CSMD2: variants seen among roughly 807,000 people sequenced by gnomAD.
CSMD2 encodes the protein CUB and Sushi multiple domains 2, also known as CUB and sushi domain-containing protein 2.
A neutral mutation model predicts 398.5 loss-of-function variants in CSMD2; 130 were observed. The observed-to-expected ratio is 0.33, with a 90% CI of 0.28 to 0.38. CSMD2 has a LOEUF of 0.38. Among genes scored for constraint, CSMD2 ranks in the 10% least tolerant of loss-of-function variants. The probability of loss-of-function intolerance (pLI) is 1.00; values close to 1 mark genes in which losing one functional copy is unlikely to be tolerated. For missense variants in CSMD2, 3,829 were observed against 4,764.9 expected (o/e 0.80, Z 5.78); for synonymous variants, 1,828 against 1,908.5 (o/e 0.96, Z 1.10).
At chr1:34,052,333 C>T (rs4653382) in intron 2 of CSMD2, among the ~76,000 whole-genome samples, 46,288 of 151,528 alleles carry the variant, frequency 0.31, 7,399 homozygotes, top group African/African-American at 0.37. Flanking sequence ...AGTGTTTGCA[C>T]TGTGTTAGGT....
At chr1:33,768,099 T>C (rs1203076407) in intron 13 of CSMD2, among the ~76,000 whole-genome samples, 1 of 152,214 alleles carries the variant, frequency 6.6e-6, no homozygotes, top group Non-Finnish European at 1.5e-5. Flanking sequence ...ATATTCCCAA[T>C]AATGTAGAAC....
At chr1:33,664,244 GT>G in intron 25 of CSMD2, among the ~76,000 whole-genome samples, 1 of 152,176 alleles carries the variant, frequency 6.6e-6, no homozygotes, top group South Asian at 2.1e-4. Flanking sequence ...TGCTTCCAGA[GT>G]TTTTTTCAAT....
chr1:34,002,471 T>C (rs1459053728), intron 3 of CSMD2, among the ~76,000 whole-genome samples: 1 of 152,162 alleles, frequency 6.6e-6, no homozygotes. Context: ...ACCTGTAAAA[T>C]GGGCACATAA....
intron 13 of CSMD2, among the ~76,000 whole-genome samples, chr1:33,769,062 G>A (rs1051491473): frequency 1.3e-5 from 2 of 152,192 alleles, no homozygotes; most frequent in African/African-American, 4.8e-5. Context: ...GAAGTGTGAA[G>A]CATTCTGCCA....
intron 3 of CSMD2, among the ~76,000 whole-genome samples, chr1:34,003,495 GTAA>G (rs1646964298): frequency 6.6e-6 from 1 of 152,160 alleles, no homozygotes. Context: ...TCCCTAATGG[GTAA>G]TAATAATAGC....
intron 15 of CSMD2, among the ~76,000 whole-genome samples, chr1:33,738,420 AATGCTTGGTACACC>A (rs1387487217): frequency 6.6e-6 from 1 of 152,150 alleles, no homozygotes; most frequent in East Asian, 1.9e-4. Flanking sequence ...CTGGTGCACA[AATGCTTGGTACACC>A]ATGCTTGGTA....
chr1:33,675,309 C>T (rs1015713893), intron 25 of CSMD2, among the ~76,000 whole-genome samples: 4 of 152,078 alleles, frequency 2.6e-5, no homozygotes, highest in Non-Finnish European at 5.9e-5. Context: ...TACAAACTAC[C>T]ATCAGAGAAT....
intron 4 of CSMD2, among the ~76,000 whole-genome samples, chr1:33,921,829 T>C (rs1643949267): frequency 6.6e-6 from 1 of 152,026 alleles, no homozygotes; most frequent in African/African-American, 2.4e-5. Context: ...GAAAGATGAT[T>C]TGGTCCCATA....
chr1:33,767,800 G>T (rs181426146), intron 13 of CSMD2, among the ~76,000 whole-genome samples: 1 of 152,078 alleles, frequency 6.6e-6, no homozygotes, highest in South Asian at 2.1e-4. Context: ...CAGGTAACTC[G>T]GCCAGCAGTT....
intron 1 of CSMD2, among the ~76,000 whole-genome samples, chr1:34,136,774 C>T (rs1638793428): frequency 6.6e-6 from 1 of 152,146 alleles, no homozygotes; most frequent in South Asian, 2.1e-4. Context: ...TTCCATCTAC[C>T]AACCATGGGT....
chr1:33,610,992 A>C, intron 41 of CSMD2, 49 bp downstream of exon 41: 1 of 1,562,280 alleles, frequency 6.4e-7, no homozygotes, highest in Non-Finnish European at 8.8e-7. Flanking sequence ...TGGCTGGGGC[A>C]AGAGATGGAG....
chr1:33,864,835 C>A, intron 5 of CSMD2: 2 of 1,195,190 alleles, frequency 1.7e-6, no homozygotes, highest in Non-Finnish European at 2.3e-6. Context: ...GTAGCTGTGA[C>A]TGATGCTTTG....
At chr1:33,758,269 C>T (rs1319921380) in intron 13 of CSMD2, among the ~76,000 whole-genome samples, 4 of 152,188 alleles carry the variant, frequency 2.6e-5, no homozygotes, top group African/African-American at 9.7e-5. Context: ...CCCCACTTAC[C>T]CTTCCTAGCT....
chr1:33,731,094 A>T (rs1646702644), intron 15 of CSMD2, among the ~76,000 whole-genome samples: 1 of 152,216 alleles, frequency 6.6e-6, no homozygotes. Context: ...AATTAGAACA[A>T]ACTGCAGTAG....
At chr1:34,155,713 T>A (rs919002065) in intron 1 of CSMD2, among the ~76,000 whole-genome samples, 6 of 152,104 alleles carry the variant, frequency 3.9e-5, no homozygotes, top group Non-Finnish European at 7.4e-5. Context: ...GAGCTCCCCA[T>A]CCCTGGAAAG....
At chr1:34,063,827 C>T (rs540626483) in intron 2 of CSMD2, among the ~76,000 whole-genome samples, 1 of 152,210 alleles carries the variant, frequency 6.6e-6, no homozygotes, top group African/African-American at 2.4e-5. Flanking sequence ...CCATGAGGGC[C>T]CCGCCCGTAC....
At chr1:33,677,063 C>T (rs548654904) in intron 25 of CSMD2, among the ~76,000 whole-genome samples, 2 of 152,086 alleles carry the variant, frequency 1.3e-5, no homozygotes, top group South Asian at 2.1e-4. Flanking sequence ...AGGACTTCAT[C>T]TCTAAAACAC....
At chr1:34,093,819 G>C (rs1658945359) in intron 1 of CSMD2, among the ~76,000 whole-genome samples, 1 of 152,144 alleles carries the variant, frequency 6.6e-6, no homozygotes, top group Non-Finnish European at 1.5e-5. Flanking sequence ...ATGGAACCAA[G>C]TTGGAAAACA....
intron 2 of CSMD2, among the ~76,000 whole-genome samples, chr1:34,084,509 C>A (rs939004843): frequency 6.6e-6 from 1 of 152,128 alleles, no homozygotes. Context: ...CCAGAATCTA[C>A]GATGAACTCA....
Sources: allele counts gnomAD v4.1 joint callset (sites outside exome capture counted in the v4.1 genomes callset), GRCh38; gene constraint gnomAD v4.1.1; transcripts MANE v1.5; gene names NCBI Gene and HGNC (gene_info 2026-07-23, HGNC 2026-07-21).